Variants in POSTN observed in about 807,000 individuals in gnomAD.
POSTN encodes the protein osteoblast specific factor 2 (fasciclin I-like).
A neutral mutation model predicts 104.5 loss-of-function variants in POSTN; 71 were observed. The ratio of observed to expected loss-of-function variants is 0.68; its 90% CI spans 0.56 to 0.83. The LOEUF is 0.83. POSTN is among the 40% of genes least tolerant of loss of function. POSTN has a pLI of 0.00. For missense variants in POSTN, 949 were observed against 1,006.8 expected, an observed-to-expected ratio of 0.94 and a Z score of 0.78; for synonymous variants, 355 against 340.7, an observed-to-expected ratio of 1.04 and a Z score of -0.46.
At chr13:37,591,709 A>G (rs1950939435) in intron 3 of POSTN, among the ~76,000 whole-genome samples, 2 of 152,158 alleles carry the variant, frequency 1.3e-5, no homozygotes, top group South Asian at 4.1e-4. Context: ...AGTTGGCAGA[A>G]GTAGAGGAAA....
At chr13:37,586,037 C>A (rs959249356) in intron 7 of POSTN, 102 bp downstream of exon 7, 3 of 1,205,936 alleles carry the variant, frequency 2.5e-6, no homozygotes, top group Non-Finnish European at 3.4e-6. Context: ...TTTTTCCCTG[C>A]CTTTGCTTAT....
Position 37,598,752 on chromosome 13 carries a change from C to G in POSTN, c.-26G>C. ...CTTGAGTCTCTCCGTTGCAGTTAGT[C>G]CCCGAAGAGAACTGGCAGTGGGCTT... is the stretch of plus-strand genomic sequence containing the variant. On this transcript the variant is annotated 5_prime_UTR_variant, in exon 1 of 23. Transcript: ENST00000379747. 1 of 1,609,822 alleles carries G rather than the reference C, an allele frequency of 6.2e-7. No individual in the cohort carries two copies. Among genetic ancestry groups the G allele is most frequent in the South Asian group, 1.1e-5 (1 of 90,652 alleles).
At chr13:37,583,862 C>A (rs2138302707) in intron 9 of POSTN, 107 bp downstream of exon 9, 1 of 1,368,404 alleles carries the variant, frequency 7.3e-7, no homozygotes, top group Non-Finnish European at 9.9e-7. Flanking sequence ...AATGCAGAAA[C>A]TAATCAACAC....
At position 37,587,862 on chromosome 13, in the gene POSTN, T is replaced by C; in HGVS notation, c.566A>G (p.Tyr189Cys). ...GTTAATGAAAAGCCCCAAATTGTTA[T>C]ACATTGAAGGAATAATCATGCCATT... ...LKNGMIIPSM[Y>C]NNLGLFINHY... Residue 189 changes from tyrosine to cysteine, a missense_variant, in exon 5 of 23, where the codon TAT becomes TGT. Transcript: ENST00000379747. 6 of 1,605,400 alleles carry C rather than the reference T, an allele frequency of 3.7e-6. No individual in the cohort carries two copies. The highest frequency in any genetic ancestry group is 2.2e-5 in the South Asian group (2 of 90,542).
At chr13:37,580,856 A>G (rs934825827) in intron 10 of POSTN, among the ~76,000 whole-genome samples, 159 bp from the exon 11 acceptor site, 2 of 152,200 alleles carry the variant, frequency 1.3e-5, no homozygotes, top group Admixed American at 6.5e-5. Flanking sequence ...TCAATGGCTC[A>G]CACAAACTCA....
At chr13:37,575,471 A>G (rs1216371972) in intron 16 of POSTN, among the ~76,000 whole-genome samples, 1 of 147,228 alleles carries the variant, frequency 6.8e-6, no homozygotes, top group African/African-American at 2.6e-5. Context: ...AATAAAAGTA[A>G]ATTAAAATAA....
chr13:37,582,096 C>T (rs1026468449), intron 10 of POSTN, among the ~76,000 whole-genome samples: 3 of 152,148 alleles, frequency 2.0e-5, no homozygotes, highest in Admixed American at 6.5e-5. Context: ...AAAAAATTTA[C>T]TGCTTTCTGG....
At chr13:37,568,668 G>A (rs1233079193) in intron 21 of POSTN, 1 of 150,250 alleles carries the variant, frequency 6.7e-6, no homozygotes, top group African/African-American at 2.4e-5. Flanking sequence ...TGTAGGGTTT[G>A]TGTAAGATTT....
intron 21 of POSTN, 35 bp from the exon 22 acceptor site, chr13:37,564,595 C>T: frequency 7.6e-7 from 1 of 1,315,088 alleles, no homozygotes; most frequent in East Asian, 2.3e-5. Flanking sequence ...AAATACTTCG[C>T]AATTATGGCT....
At chr13:37,596,023 A>C (rs1185253273) in intron 2 of POSTN, among the ~76,000 whole-genome samples, 1 of 151,860 alleles carries the variant, frequency 6.6e-6, no homozygotes, top group Non-Finnish European at 1.5e-5. Context: ...GCTGGTCTCG[A>C]ACTCCTGGCC....
At chr13:37,592,794 A>G (rs1375305373) in intron 2 of POSTN, among the ~76,000 whole-genome samples, 4 of 152,188 alleles carry the variant, frequency 2.6e-5, no homozygotes, top group Admixed American at 2.0e-4. Flanking sequence ...TATAGTAGCT[A>G]TAATATCTAC....
intron 21 of POSTN, chr13:37,565,137 C>G (rs996839815): frequency 6.6e-6 from 1 of 151,994 alleles, no homozygotes; most frequent in Non-Finnish European, 1.5e-5. Context: ...CACCTCCCAA[C>G]CTGATTCAGT....
chr13:37,569,707 G>C, intron 20 of POSTN, 37 bp downstream of exon 20: 1 of 1,409,014 alleles, frequency 7.1e-7, no homozygotes, highest in Non-Finnish European at 1.0e-6. Flanking sequence ...GGATAGCTTA[G>C]GTAAAGTCAC....
chr13:37,587,973 C>G lies in POSTN; in HGVS notation c.455G>C (p.Gly152Ala). ...WDNLDSDIRRGLESNVNVELL... is the reference protein window; with the variant it reads ...WDNLDSDIRRALESNVNVELL... ...TTCAACATTCACGTTGCTCTCCAAA[C>G]CTCTACGGATATCCTAGGAAAAATT... The change falls in exon 5 of 23, where the codon GGT (glycine) becomes GCT (alanine). Residue 152 changes from glycine (G) to alanine (A), a missense_variant. Gly to Ala is a moderately conservative substitution (Grantham distance 60). Transcript: ENST00000379747. The G allele has an allele frequency of 1.3e-6, 2 of 1,595,844 alleles. No individual in the cohort carries two copies. Among genetic ancestry groups the G allele is most frequent in the Non-Finnish European group, 1.7e-6 (2 of 1,168,284 alleles).
rs117790304 is a variant in POSTN at position 37,580,624 on chromosome 13, C to T, written c.1466G>A (p.Arg489His). ...QGRNGAIHIF[R>H]EIIKPAEKSL... Reference sequence around the variant, plus strand: ...TTTCTCTGCTGGCTTGATGATCTCGCGGAATATGTGAATCGCACCGTTTCT... The same window carrying T: ...TTTCTCTGCTGGCTTGATGATCTCGTGGAATATGTGAATCGCACCGTTTCT... The change falls in exon 11 of 23, where the codon CGC becomes CAC. Residue 489 changes from arginine to histidine, a missense_variant. Arg to His is a conservative substitution (Grantham distance 29). Transcript: ENST00000379747. 6 of 1,613,982 alleles carry T rather than the reference C, an allele frequency of 3.7e-6. No homozygotes were observed. The highest frequency in any genetic ancestry group is 2.2e-5 in the East Asian group (1 of 44,870).
At chr13:37,588,041 T>C (rs185592861) in intron 4 of POSTN, 55 bp from the exon 5 acceptor site, 13 of 1,374,122 alleles carry the variant, frequency 9.5e-6, no homozygotes, top group African/African-American at 5.8e-5. Context: ...TTAGTAAAAG[T>C]CTTACGATCA....
At position 37,570,580 on chromosome 13, in the gene POSTN, C is replaced by G. The variant is rs1950235022; in HGVS notation, c.2269G>C (p.Gly757Arg). Reference sequence around the variant, plus strand: ...ATCCATGTATGGAATTAATGGCTACCTGTAATGATTCGTTCTTCTCGTGTC... The same window carrying G: ...ATCCATGTATGGAATTAATGGCTACGTGTAATGATTCGTTCTTCTCGTGTC... Reference protein sequence around the residue: ...KETREERIITGPEIKYTRIST... With the variant: ...KETREERIITRPEIKYTRIST... The change falls in exon 19 of 23, where the codon GGT becomes CGT. Residue 757 changes from glycine to arginine, a missense_variant and splice_region_variant. Gly to Arg is a moderately radical substitution (Grantham distance 125). Coordinates refer to ENST00000379747, the MANE Select transcript of POSTN (RefSeq NM_006475.3). 1 of 1,576,446 alleles carries G rather than the reference C, an allele frequency of 6.3e-7. No homozygotes were observed.
chr13:37,589,855 A>T (rs1285378348), intron 4 of POSTN, among the ~76,000 whole-genome samples: 1 of 152,110 alleles, frequency 6.6e-6, no homozygotes, highest in Non-Finnish European at 1.5e-5. Context: ...TGTAAATTAG[A>T]CTGTGCACAA....
chr13:37,577,270 T>C (rs1400810699), intron 16 of POSTN, among the ~76,000 whole-genome samples: 3 of 152,132 alleles, frequency 2.0e-5, no homozygotes, highest in African/African-American at 7.2e-5. Context: ...TTTTGTTCCT[T>C]TGTCCAATTT....
Sources: allele counts gnomAD v4.1 joint callset (sites outside exome capture counted in the v4.1 genomes callset), GRCh38; gene constraint gnomAD v4.1.1; transcripts MANE v1.5; gene names NCBI Gene and HGNC (gene_info 2026-07-23, HGNC 2026-07-21).